Variants in CCDC141 observed in about 807,000 individuals in gnomAD.
CCDC141 encodes coiled-coil domain-containing protein 141.
In CCDC141, 168 loss-of-function variants were observed where a neutral mutation model predicts 181.0. The observed-to-expected ratio is 0.93, with a 90% CI of 0.82 to 1.05. The LOEUF (loss-of-function observed/expected upper bound fraction) is 1.05. CCDC141 is among the 50% of genes least tolerant of loss of function. The pLI is 0.00. For missense variants in CCDC141, 1,902 were observed against 1,788.5 expected (o/e 1.06, Z -1.14); for synonymous variants, 666 against 642.3 (o/e 1.04, Z -0.56).
chr2:179,032,550 T>C (rs1268594992), intron 2 of CCDC141, among the ~76,000 whole-genome samples: 2 of 152,180 alleles, frequency 1.3e-5, no homozygotes, highest in South Asian at 2.1e-4. Context: ...TCAGTTTGTC[T>C]TTGAATTCAA....
At chr2:178,997,662 C>T (rs1346787657) in intron 2 of CCDC141, among the ~76,000 whole-genome samples, 2 of 152,136 alleles carry the variant, frequency 1.3e-5, no homozygotes, top group African/African-American at 4.8e-5. Flanking sequence ...CCTATTAGAC[C>T]AGACCAAAAT....
chr2:178,983,923 T>A (rs1159474649), intron 2 of CCDC141, among the ~76,000 whole-genome samples: 1 of 150,452 alleles, frequency 6.6e-6, no homozygotes, highest in Non-Finnish European at 1.5e-5. Flanking sequence ...TTCCCCAATC[T>A]AGCAAGGCAG....
At chr2:179,027,692 A>G (rs1386437573) in intron 2 of CCDC141, among the ~76,000 whole-genome samples, 2 of 141,088 alleles carry the variant, frequency 1.4e-5, no homozygotes, top group East Asian at 4.2e-4. Context: ...GTTTCCCTGC[A>G]CAAGCTCTCT....
intron 6 of CCDC141, among the ~76,000 whole-genome samples, chr2:178,929,127 T>G (rs1689008992): frequency 6.6e-6 from 1 of 152,206 alleles, no homozygotes; most frequent in Admixed American, 6.5e-5. Context: ...TTGAGACATT[T>G]CAGATTCAGA....
At position 178,834,074 on chromosome 2, in the gene CCDC141, C is replaced by T; in HGVS notation, c.*99G>A. On this transcript the variant is annotated 3_prime_UTR_variant, in exon 24 of 24. Transcript: ENST00000443758. ...AAGTATGGTGATCAGACTGGAGATA[C>T]ACTTGGTGGGAGATGCTTTGCAGGA... 8.3e-7 allele frequency: 1 copy of T among 1,210,484 alleles called. No individual in the cohort carries two copies. The highest frequency in any genetic ancestry group is 1.2e-6 in the Non-Finnish European group (1 of 868,836). The allele number at this position is 1,210,484 out of a possible 1,614,324, so 75.0% of individuals were successfully genotyped here. A position where few individuals can be genotyped will look rare whatever the true frequency, so the allele number is the denominator to read the frequency against.
chr2:178,881,574 T>C (rs796542462), intron 11 of CCDC141, among the ~76,000 whole-genome samples: 27 of 151,952 alleles, frequency 1.8e-4, no homozygotes, highest in African/African-American at 6.3e-4. Flanking sequence ...TTTAATGGAG[T>C]GAAGAGGTCG....
intron 2 of CCDC141, among the ~76,000 whole-genome samples, chr2:179,028,119 T>C (rs1177780169): frequency 1.3e-5 from 2 of 152,198 alleles, no homozygotes; most frequent in African/African-American, 4.8e-5. Context: ...AATTCCACTA[T>C]GAGCACTGGG....
In CCDC141 at chr2:178,888,540, C is replaced by G. The variant is rs763250535; in HGVS notation, c.1394G>C (p.Gly465Ala). ...TTACGAAACTACCTTCCGTAGGTAA[C>G]CCTCCACTGAGGCTGTTAGTTGTTG... ...KKQQLTASVEGYLRKVEMSIQ... is the reference protein window; with the variant it reads ...KKQQLTASVEAYLRKVEMSIQ... Residue 465 changes from glycine to alanine, a missense_variant, in exon 9 of 24, where the codon GGT becomes GCT. Gly to Ala is a moderately conservative substitution (Grantham distance 60, BLOSUM62 0). Transcript: ENST00000443758. The G allele has an allele frequency of 6.7e-5, 104 of 1,550,286 alleles. No individual in the cohort carries two copies. In the Admixed American group the frequency reaches 1.3e-3, roughly 20 times the overall value.
At chr2:178,945,973 G>A (rs542849089) in intron 5 of CCDC141, among the ~76,000 whole-genome samples, 1 of 152,170 alleles carries the variant, frequency 6.6e-6, no homozygotes, top group South Asian at 2.1e-4. Context: ...CCAACTCTTA[G>A]TATTTCTCAG....
At chr2:178,871,394 C>A (rs1416448271) in intron 14 of CCDC141, 33 bp downstream of exon 14, 8 of 1,584,980 alleles carry the variant, frequency 5.0e-6, no homozygotes, top group Non-Finnish European at 6.9e-6. Flanking sequence ...GTATTTTTTC[C>A]ATTCACCCAA....
chr2:178,983,179 TG>T (rs1196812621), intron 2 of CCDC141, among the ~76,000 whole-genome samples: 2 of 152,172 alleles, frequency 1.3e-5, no homozygotes, highest in Non-Finnish European at 2.9e-5. Context: ...CCAGCCTAAC[TG>T]GGAGGCACCC....
At chr2:178,929,602 G>T (rs1575230175) in intron 6 of CCDC141, among the ~76,000 whole-genome samples, 2 of 152,192 alleles carry the variant, frequency 1.3e-5, no homozygotes, top group East Asian at 3.9e-4. Context: ...CCTCAGTAAT[G>T]TATCTAGGAC....
intron 6 of CCDC141, among the ~76,000 whole-genome samples, chr2:178,923,094 T>TTC (rs200775330): frequency 6.7e-5 from 8 of 119,078 alleles, no homozygotes; most frequent in South Asian, 3.2e-4. Context: ...TTCCACCAGT[T>TTC]TATTTTTTTT....
intron 2 of CCDC141, among the ~76,000 whole-genome samples, chr2:179,020,126 C>A (rs959012046): frequency 6.6e-6 from 1 of 152,118 alleles, no homozygotes; most frequent in African/African-American, 2.4e-5. Context: ...ACTGTTATAA[C>A]CGTCATGTAG....
chr2:178,817,525 C>T, the CCDC141 span: 1 of 471,070 alleles, frequency 2.1e-6, no homozygotes, highest in South Asian at 1.5e-5. Context: ...ACATGACCTA[C>T]TTCAGTATCT....
chr2:179,034,622 A>C (rs1300018384), intron 2 of CCDC141, among the ~76,000 whole-genome samples: 3 of 152,206 alleles, frequency 2.0e-5, no homozygotes, highest in African/African-American at 4.8e-5. Context: ...CACAGAATGC[A>C]TGCATTTTAC....
chr2:178,836,073 T>C (rs1684465416), intron 23 of CCDC141: 1 of 152,628 alleles, frequency 6.6e-6, no homozygotes, highest in African/African-American at 2.4e-5. Flanking sequence ...AGTTTATAAG[T>C]ATAAACTGGC....
Position 178,855,524 on chromosome 2 carries a change from C to T in CCDC141, c.2883G>A (p.Met961Ile). 6.3e-7 allele frequency: 1 copy of T among 1,584,452 alleles called. No individual in the cohort carries two copies. Among genetic ancestry groups the T allele is most frequent in the Non-Finnish European group, 8.5e-7 (1 of 1,169,656 alleles). ...AEKMQALKRK[M>I]EKVSNKTSDS... The stretch of plus-strand genomic sequence containing the variant: ...CAGAGGTTTTATTACTAACTTTTTC[C>T]ATTTTCCTTTTCAAAGCCTGTGTGA... The change falls in exon 19 of 24, where the codon ATG becomes ATA. Residue 961 changes from methionine (M) to isoleucine (I), a missense_variant. Transcript: ENST00000443758.
In CCDC141 at chr2:178,858,002, G is replaced by A. The variant is rs146096498; in HGVS notation, c.2725-1605C>T. Among the ~76,000 whole-genome samples, 96 of 152,174 alleles carry A rather than the reference G, an allele frequency of 6.3e-4. 1 individual carries two copies. The highest frequency in any genetic ancestry group is 7.2e-4 in the African/African-American group (30 of 41,554). Reference sequence around the variant, plus strand: ...TTAAAGCCCTAGTGGAATTGCGAACGGAAATTATTATACTGATAGAATTTT... The same window carrying A: ...TTAAAGCCCTAGTGGAATTGCGAACAGAAATTATTATACTGATAGAATTTT... On this transcript the variant is annotated intron_variant, in intron 17 of 23. Transcript: ENST00000443758.
Sources: gnomAD v4.1 joint callset for allele counts (sites outside exome capture counted in the v4.1 genomes callset) on GRCh38, gnomAD v4.1.1 for gene constraint, MANE v1.5 for transcripts, NCBI Gene and HGNC (gene_info 2026-07-23, HGNC 2026-07-21) for gene names.